Variants in DLC1 observed in about 807,000 individuals in gnomAD.
DLC1 encodes the protein DLC1 Rho GTPase activating protein.
Under a neutral mutation model 140.3 loss-of-function variants are expected in DLC1, and 54 were observed. That is an observed-to-expected ratio of 0.38 (90% CI 0.31 to 0.48). The LOEUF (loss-of-function observed/expected upper bound fraction) is 0.48, where lower values mean the gene tolerates loss of function less well. Ranked by LOEUF, DLC1 falls within the 20% of genes least tolerant of loss-of-function variation. The probability of loss-of-function intolerance (pLI) is 0.96; values close to 1 mark genes in which losing one functional copy is unlikely to be tolerated. For missense variants in DLC1, 2,536 were observed against 1,907.0 expected (o/e 1.33, Z -6.14); for synonymous variants, 986 against 728.1 (o/e 1.35, Z -5.70).
intron 4 of DLC1, among the ~76,000 whole-genome samples, chr8:13,375,712 G>A (rs140618356): frequency 5.0e-5 from 7 of 138,640 alleles, no homozygotes; most frequent in Non-Finnish European, 7.7e-5. Context: ...TTTCAATGAT[G>A]ACTGTTATTT....
At chr8:13,349,062 A>G (rs1380733214) in intron 4 of DLC1, among the ~76,000 whole-genome samples, 1 of 152,148 alleles carries the variant, frequency 6.6e-6, no homozygotes, top group African/African-American at 2.4e-5. Context: ...TGCACAGTCG[A>G]TTTCCTGTCC....
At chr8:13,092,250 G>C (rs551088422) in intron 13 of DLC1, among the ~76,000 whole-genome samples, 1 of 152,224 alleles carries the variant, frequency 6.6e-6, no homozygotes, top group Admixed American at 6.5e-5. Flanking sequence ...GTCTCAAAAG[G>C]AACTATTTAA....
At chr8:13,095,407 G>C (rs1390824754) in intron 10 of DLC1, 162 bp from the exon 11 acceptor site, 1 of 821,846 alleles carries the variant, frequency 1.2e-6, no homozygotes, top group Non-Finnish European at 1.9e-6. Context: ...GTTCCCCAGT[G>C]GTACTGGCCA....
rs146036418 is a variant in DLC1 at position 13,468,914 on chromosome 8, G to A, written c.1023+30135C>T. Reference sequence around the variant, plus strand: ...TGGTTCACTGCAACCTCGGCCTCCCGGGTTCAAGTGATTCTCCTGCCTCAG... The same window carrying A: ...TGGTTCACTGCAACCTCGGCCTCCCAGGTTCAAGTGATTCTCCTGCCTCAG... On this transcript the variant is annotated intron_variant, in intron 2 of 17. Transcript: ENST00000276297. Among the ~76,000 whole-genome samples, 499 of 142,970 alleles carry A rather than the reference G, an allele frequency of 3.5e-3. 8 individuals carry two copies. In the South Asian group the frequency reaches 0.059, roughly 17 times the overall value. 93.8% of individuals were successfully genotyped at this position (142,970 alleles called of 152,430 possible).
At chr8:13,511,032 A>G (rs1802337542) in intron 1 of DLC1, among the ~76,000 whole-genome samples, 1 of 152,058 alleles carries the variant, frequency 6.6e-6, no homozygotes, top group African/African-American at 2.4e-5. Context: ...ATTTATTGAC[A>G]AATAAGTGTT....
chr8:13,385,411 G>T (rs1382276292), intron 4 of DLC1, among the ~76,000 whole-genome samples: 1 of 152,130 alleles, frequency 6.6e-6, no homozygotes, highest in Non-Finnish European at 1.5e-5. Flanking sequence ...AAAGTAGAAA[G>T]ACTAGAGAAA....
intron 5 of DLC1, among the ~76,000 whole-genome samples, chr8:13,163,887 C>T (rs1824904960): frequency 6.6e-6 from 1 of 152,118 alleles, no homozygotes; most frequent in Non-Finnish European, 1.5e-5. Context: ...CATGCCCAGT[C>T]CGGGCTACTC....
intron 2 of DLC1, among the ~76,000 whole-genome samples, chr8:13,432,403 GATACA>G (rs367550672): frequency 2.6e-4 from 40 of 152,310 alleles, no homozygotes; most frequent in African/African-American, 8.4e-4. Context: ...AGCGCTAAAT[GATACA>G]ATACATCTTA....
At chr8:13,462,393 A>ATTGT (rs1799708730) in intron 2 of DLC1, among the ~76,000 whole-genome samples, 1 of 141,762 alleles carries the variant, frequency 7.1e-6, no homozygotes, top group African/African-American at 2.6e-5. Context: ...TACCATTACT[A>ATTGT]TTCTTTTTTT....
At chr8:13,510,734 C>T (rs940897802) in intron 1 of DLC1, among the ~76,000 whole-genome samples, 18 of 152,122 alleles carry the variant, frequency 1.2e-4, no homozygotes, top group African/African-American at 4.1e-4. Flanking sequence ...TTCTCACTGG[C>T]CTCATGTAAC....
chr8:13,435,380 C>G (rs571097145), intron 2 of DLC1, among the ~76,000 whole-genome samples: 1 of 152,070 alleles, frequency 6.6e-6, no homozygotes, highest in African/African-American at 2.4e-5. Flanking sequence ...ATGGCTCGAT[C>G]TCGGCTCACT....
chr8:13,140,566 T>G (rs1352966128), intron 5 of DLC1, among the ~76,000 whole-genome samples: 1 of 152,048 alleles, frequency 6.6e-6, no homozygotes. Context: ...ATTTTTGTCT[T>G]TGCTTGTTGA....
At chr8:13,458,719 A>C (rs1283954570) in intron 2 of DLC1, among the ~76,000 whole-genome samples, 1 of 152,158 alleles carries the variant, frequency 6.6e-6, no homozygotes, top group African/African-American at 2.4e-5. Context: ...ATCCATAATT[A>C]TGATTTCTTT....
At chr8:13,531,687 C>G (rs1471517450) in intron 1 of DLC1, among the ~76,000 whole-genome samples, 1 of 152,112 alleles carries the variant, frequency 6.6e-6, no homozygotes, top group Non-Finnish European at 1.5e-5. Flanking sequence ...TTTCTTCTCT[C>G]TTGCTAATAA....
intron 4 of DLC1, among the ~76,000 whole-genome samples, chr8:13,336,723 G>T (rs1465466988): frequency 1.3e-5 from 2 of 152,106 alleles, no homozygotes; most frequent in East Asian, 3.8e-4. Flanking sequence ...AGTACATGTA[G>T]GGTTGTTGTA....
intron 4 of DLC1, among the ~76,000 whole-genome samples, chr8:13,322,984 C>G (rs962540279): frequency 2.0e-5 from 3 of 152,182 alleles, no homozygotes; most frequent in African/African-American, 7.2e-5. Context: ...GATACTCAAG[C>G]AGCTCCCTGT....
chr8:13,533,496 T>C (rs1305314407), intron 1 of DLC1, among the ~76,000 whole-genome samples: 1 of 152,210 alleles, frequency 6.6e-6, no homozygotes, highest in African/African-American at 2.4e-5. Context: ...TAGCATGTTG[T>C]AATTTTCATT....
intron 4 of DLC1, among the ~76,000 whole-genome samples, chr8:13,343,443 C>G (rs1834168667): frequency 6.6e-6 from 1 of 152,126 alleles, no homozygotes; most frequent in African/African-American, 2.4e-5. Context: ...TCTCTTTACA[C>G]TGGGAGCTAA....
At chr8:13,192,700 A>G (rs551778496) in intron 5 of DLC1, among the ~76,000 whole-genome samples, 45 of 152,294 alleles carry the variant, frequency 3.0e-4, no homozygotes, top group African/African-American at 9.6e-4. Flanking sequence ...TAAAGAGGTG[A>G]GTGGGTTAAA....
Sources: gnomAD v4.1 joint callset for allele counts (sites outside exome capture counted in the v4.1 genomes callset) on GRCh38, gnomAD v4.1.1 for gene constraint, MANE v1.5 for transcripts, NCBI Gene and HGNC (gene_info 2026-07-23, HGNC 2026-07-21) for gene names.